Variants in LTBP1 observed in about 807,000 individuals in gnomAD.
LTBP1 encodes the protein latent-transforming growth factor beta-binding protein 1.
In LTBP1, 129 loss-of-function variants were observed where a neutral mutation model predicts 207.6. The ratio of observed to expected loss-of-function variants is 0.62; its 90% CI spans 0.54 to 0.72. LTBP1 has a LOEUF of 0.72. Among genes scored for constraint, LTBP1 ranks in the 30% least tolerant of loss-of-function variants. The pLI is 0.00. For synonymous variants in LTBP1, 963 were observed against 833.7 expected, an observed-to-expected ratio of 1.16 and a Z score of -2.67; for missense variants, 2,281 against 2,217.2, an observed-to-expected ratio of 1.03 and a Z score of -0.58.
intron 3 of LTBP1, among the ~76,000 whole-genome samples, chr2:33,058,348 A>C (rs1217780581): frequency 2.0e-5 from 3 of 152,232 alleles, no homozygotes; most frequent in African/African-American, 4.8e-5. Context: ...GAAAATTAGA[A>C]GTCTACCACC....
At chr2:33,181,853 G>T (rs2086672157) in intron 5 of LTBP1, among the ~76,000 whole-genome samples, 2 of 152,186 alleles carry the variant, frequency 1.3e-5, no homozygotes, top group Non-Finnish European at 2.9e-5. Context: ...TACATCACTA[G>T]ATGATGTTTT....
intron 4 of LTBP1, among the ~76,000 whole-genome samples, chr2:33,119,846 T>C (rs373333427): frequency 2.6e-5 from 4 of 152,218 alleles, no homozygotes; most frequent in African/African-American, 7.2e-5. Context: ...ACGAGAGCAC[T>C]GCGCCTGGCC....
chr2:33,102,838 G>A (rs1381723028), intron 3 of LTBP1, among the ~76,000 whole-genome samples: 1 of 152,096 alleles, frequency 6.6e-6, no homozygotes, highest in Non-Finnish European at 1.5e-5. Flanking sequence ...TCTGTATGCA[G>A]TCTGTATGCT....
At chr2:33,361,628 A>T in intron 28 of LTBP1, 113 bp downstream of exon 28, 1 of 666,692 alleles carries the variant, frequency 1.5e-6, no homozygotes, top group Non-Finnish European at 2.5e-6. Flanking sequence ...ATGAAAACTG[A>T]TTACAAAGTC....
At chr2:33,324,763 G>A (rs1279387189) in intron 24 of LTBP1, among the ~76,000 whole-genome samples, 4 of 146,234 alleles carry the variant, frequency 2.7e-5, no homozygotes, top group South Asian at 2.2e-4. Context: ...GTGCAGTAGC[G>A]TGATCTCGGC....
intron 19 of LTBP1, among the ~76,000 whole-genome samples, chr2:33,288,507 T>A (rs1446134338): frequency 6.6e-6 from 1 of 152,106 alleles, no homozygotes; most frequent in Admixed American, 6.5e-5. Context: ...TGTGGAGAAT[T>A]GATAGTTACC....
chr2:33,050,092 C>T (rs1295532534), intron 3 of LTBP1, among the ~76,000 whole-genome samples: 1 of 151,804 alleles, frequency 6.6e-6, no homozygotes, highest in Non-Finnish European at 1.5e-5. Flanking sequence ...GATCTTCCTG[C>T]CTTGGCCTCC....
chr2:32,954,482 C>G (rs1677720879), intron 2 of LTBP1, among the ~76,000 whole-genome samples: 2 of 151,962 alleles, frequency 1.3e-5, no homozygotes, highest in South Asian at 4.2e-4. Flanking sequence ...GTGTGTCTGT[C>G]TCTGTGTCCA....
intron 5 of LTBP1, among the ~76,000 whole-genome samples, chr2:33,158,164 AAG>A (rs760849981): frequency 1.9e-5 from 2 of 102,886 alleles, no homozygotes; most frequent in East Asian, 2.3e-4. Context: ...AAAAAAAAAA[AAG>A]AGAGAGAGAG....
At chr2:33,264,265 A>G (rs2093112104) in intron 15 of LTBP1, among the ~76,000 whole-genome samples, 1 of 151,852 alleles carries the variant, frequency 6.6e-6, no homozygotes. Flanking sequence ...CAAAAAAAAA[A>G]AAAAAAAAAG....
intron 7 of LTBP1, among the ~76,000 whole-genome samples, chr2:33,190,647 A>C (rs973570534): frequency 6.6e-6 from 1 of 152,242 alleles, no homozygotes; most frequent in Admixed American, 6.5e-5. Flanking sequence ...AGATTAATCA[A>C]GATAATGTGA....
At chr2:33,378,879 C>T (rs1272440678) in intron 31 of LTBP1, among the ~76,000 whole-genome samples, 1 of 152,074 alleles carries the variant, frequency 6.6e-6, no homozygotes, top group African/African-American at 2.4e-5. Flanking sequence ...AGATTGTGCC[C>T]CTTATGATTG....
chr2:33,055,160 G>A (rs2076930436), intron 3 of LTBP1, among the ~76,000 whole-genome samples: 1 of 152,130 alleles, frequency 6.6e-6, no homozygotes, highest in South Asian at 2.1e-4. Context: ...AGGTTGCAAG[G>A]TTTAACGATG....
At chr2:33,191,651 T>C (rs115852110) in intron 7 of LTBP1, among the ~76,000 whole-genome samples, 35 of 152,330 alleles carry the variant, frequency 2.3e-4, no homozygotes, top group African/African-American at 7.7e-4. Flanking sequence ...TTGTGCTTTC[T>C]TGCTGTGGTT....
intron 24 of LTBP1, among the ~76,000 whole-genome samples, chr2:33,333,279 T>G: frequency 6.6e-6 from 1 of 152,186 alleles, no homozygotes; most frequent in Non-Finnish European, 1.5e-5. Context: ...TTGTTCTTTT[T>G]AATGAGTGGA....
chr2:33,052,221 C>T (rs981950815), intron 3 of LTBP1, among the ~76,000 whole-genome samples: 1 of 152,214 alleles, frequency 6.6e-6, no homozygotes, highest in African/African-American at 2.4e-5. Flanking sequence ...CCCATGAGCT[C>T]TCTCATTCCA....
intron 3 of LTBP1, among the ~76,000 whole-genome samples, chr2:33,077,516 AAG>A (rs1173440805): frequency 2.0e-5 from 3 of 152,112 alleles, no homozygotes; most frequent in South Asian, 2.1e-4. Context: ...GAGCAGGAGG[AAG>A]AGAGAGGGGG....
At chr2:33,338,709 G>C (rs972880684) in intron 24 of LTBP1, among the ~76,000 whole-genome samples, 6 of 152,130 alleles carry the variant, frequency 3.9e-5, no homozygotes, top group African/African-American at 1.4e-4. Context: ...GGGGAAAGGG[G>C]TGGCATGGAG....
At chr2:33,060,649 A>ATTG (rs1370555631) in intron 3 of LTBP1, among the ~76,000 whole-genome samples, 1 of 86,012 alleles carries the variant, frequency 1.2e-5, no homozygotes, top group Non-Finnish European at 3.0e-5. Flanking sequence ...TTAAATTCAG[A>ATTG]TCTGTGTGTG....
Sources: gnomAD v4.1 joint callset for allele counts (sites outside exome capture counted in the v4.1 genomes callset) on GRCh38, gnomAD v4.1.1 for gene constraint, MANE v1.5 for transcripts, NCBI Gene and HGNC (gene_info 2026-07-23, HGNC 2026-07-21) for gene names.